DNMT3A: variants seen among roughly 807,000 people sequenced by gnomAD.
DNMT3A encodes the protein DNA (cytosine-5)-methyltransferase 3A.
A neutral mutation model predicts 117.6 loss-of-function variants in DNMT3A; 267 were observed. That is an observed-to-expected ratio of 2.27 (90% CI 2.05 to 2.51). DNMT3A has a LOEUF of 2.51. DNMT3A is among the 30% of genes most tolerant of loss of function. DNMT3A has a pLI of 0.00. For synonymous variants in DNMT3A, 432 were observed against 474.8 expected (o/e 0.91, Z 1.17); for missense variants, 1,029 against 1,260.2 (o/e 0.82, Z 2.78).
chr2:25,285,538 A>G (rs1440225126), intron 3 of DNMT3A, among the ~76,000 whole-genome samples: 1 of 152,216 alleles, frequency 6.6e-6, no homozygotes, highest in Non-Finnish European at 1.5e-5. Context: ...AGAAAGCTGC[A>G]TGTGTGTACT....
rs1247985178 is a variant in DNMT3A at position 25,252,945 on chromosome 2, C to T, written c.640-4693G>A. On this transcript the variant is annotated intron_variant, in intron 6 of 22. Coordinates refer to ENST00000321117, the MANE Select transcript of DNMT3A (RefSeq NM_022552.5). The surrounding 1 kb of genome is among the most constrained non-coding windows in gnomAD (Gnocchi z 5.5). ...CAGGTGAATAGAGAAGCGGGGGGGC[C>T]TCAAAAAGCGCGGCGTGAGGAGGTC... 1.3e-5 allele frequency among the ~76,000 whole-genome samples: 2 copies of T among 151,988 alleles called. No homozygotes were observed. The highest frequency in any genetic ancestry group is 4.8e-5 in the African/African-American group (2 of 41,362).
chr2:25,333,669 C>T (rs2035098983), intron 1 of DNMT3A, among the ~76,000 whole-genome samples: 1 of 152,194 alleles, frequency 6.6e-6, no homozygotes, highest in Admixed American at 6.5e-5. Context: ...CCTTACAGAG[C>T]AGCAGGGCTT....
chr2:25,285,361 A>C (rs1256393491), intron 3 of DNMT3A, among the ~76,000 whole-genome samples: 1 of 152,236 alleles, frequency 6.6e-6, no homozygotes, highest in Non-Finnish European at 1.5e-5. Context: ...GAAAACAAAA[A>C]CAAAAACAAA....
Position 25,233,121 on chromosome 2 carries a change from A to ATC in DNMT3A, c.*1156_*1157dup. Reference sequence around the variant, plus strand: ...GCCTGAAGACTCCGTACCCTCTGCCATCTTGCCGAGGGAGTCTCCTTTTAG... The same window carrying ATC: ...GCCTGAAGACTCCGTACCCTCTGCCATCTCTTGCCGAGGGAGTCTCCTTTTAG... On this transcript the variant is annotated 3_prime_UTR_variant, in exon 23 of 23. Transcript: ENST00000321117. 2 of 233,850 alleles carry ATC rather than the reference A, an allele frequency of 8.6e-6. No homozygotes were observed. Among genetic ancestry groups the ATC allele is most frequent in the East Asian group, 1.2e-4 (2 of 16,726 alleles). The allele number at this position is 233,850 out of a possible 1,614,324, so 14.5% of individuals were successfully genotyped here.
intron 1 of DNMT3A, among the ~76,000 whole-genome samples, chr2:25,335,330 C>T (rs2035168671): frequency 1.3e-5 from 2 of 152,238 alleles, no homozygotes; most frequent in Non-Finnish European, 2.9e-5. Flanking sequence ...ACAGGTTCTG[C>T]TCACTGGGGT....
At chr2:25,284,335 GTCACATATA>G (rs925350258) in intron 3 of DNMT3A, among the ~76,000 whole-genome samples, 2 of 151,964 alleles carry the variant, frequency 1.3e-5, no homozygotes, top group Admixed American at 6.6e-5. Flanking sequence ...ATAAAAGTCA[GTCACATATA>G]TCATAAAAAA....
At chr2:25,303,763 C>T (rs34635462) in intron 2 of DNMT3A, among the ~76,000 whole-genome samples, 51,663 of 152,182 alleles carry the variant, frequency 0.34, 9,136 homozygotes, top group Non-Finnish European at 0.39. Context: ...TAGGGCAAAG[C>T]GGGAAGCGAT....
At chr2:25,284,513 G>A (rs1174744533) in intron 3 of DNMT3A, among the ~76,000 whole-genome samples, 2 of 151,618 alleles carry the variant, frequency 1.3e-5, no homozygotes, top group African/African-American at 2.4e-5. Flanking sequence ...TGGGTGTGGT[G>A]GTGCATGCCT....
chr2:25,306,883 T>C lies in DNMT3A; in HGVS notation c.73-6640A>G, dbSNP rs2033806976. 6.6e-6 allele frequency among the ~76,000 whole-genome samples: 1 copy of C among 152,248 alleles called. No individual in the cohort carries two copies. The highest frequency in any genetic ancestry group is 1.5e-5 in the Non-Finnish European group (1 of 68,042). ...ATGCTGAGCCCAGACTGGAGTGTGC[T>C]ACTGCTCTGCCTGTGGCCACTTCCA... On this transcript the variant is annotated intron_variant, in intron 2 of 22. Coordinates refer to ENST00000321117, the MANE Select transcript of DNMT3A (RefSeq NM_022552.5). This position sits in a 1 kb window ranked among gnomAD's most constrained non-coding sequence, Gnocchi z 4.1.
rs778003885 is a variant in DNMT3A, at chr2:25,248,131, G to T, written c.761C>A (p.Ala254Glu). 2 of 1,613,758 alleles carry T rather than the reference G, an allele frequency of 1.2e-6. No individual in the cohort carries two copies. Among genetic ancestry groups the T allele is most frequent in the East Asian group, 4.5e-5 (2 of 44,884 alleles). The change falls in exon 7 of 23, where the codon GCA becomes GAA. Residue 254 changes from alanine to glutamate, a missense_variant. Physicochemically the swap from Ala to Glu is moderately radical, Grantham distance 107. Transcript: ENST00000321117. Reference protein sequence around the residue: ...PPAVQQPTDPASPTVATTPEP... With the variant: ...PPAVQQPTDPESPTVATTPEP... ...AGGCGTGGTAGCCACAGTGGGGGAT[G>T]CGGGGTCAGTGGGCTGCTGCACAGC...
chr2:25,243,778 G>T, intron 16 of DNMT3A, 120 bp downstream of exon 16: 1 of 1,106,050 alleles, frequency 9.0e-7, no homozygotes, highest in Non-Finnish European at 1.3e-6. Flanking sequence ...TTCCCCTTTG[G>T]GATAATATTT....
chr2:25,341,820 C>T lies in DNMT3A; in HGVS notation c.-178+6G>A, dbSNP rs1309702705. ...CTTCCGGGCCGCCAGCAGCGGCGCT[C>T]ATTACCGTATGGCCGGTGGGGTCGG... On this transcript the variant is annotated splice_donor_region_variant and intron_variant, in intron 1 of 22. Transcript: ENST00000321117. 1.0e-6 allele frequency: 1 copy of T among 979,962 alleles called. No individual in the cohort carries two copies. Among genetic ancestry groups the T allele is most frequent in the Non-Finnish European group, 1.2e-6 (1 of 827,784 alleles). The allele number at this position is 979,962 out of a possible 1,614,324, so 60.7% of individuals were successfully genotyped here. A position where few individuals can be genotyped will look rare whatever the true frequency, so the allele number is the denominator to read the frequency against.
At position 25,252,531 on chromosome 2, in the gene DNMT3A, G is replaced by A. The variant is rs1310299419; in HGVS notation, c.640-4279C>T. Among the ~76,000 whole-genome samples, 4 of 151,556 alleles carry A rather than the reference G, an allele frequency of 2.6e-5. No individual in the cohort carries two copies. Among genetic ancestry groups the A allele is most frequent in the Non-Finnish European group, 5.9e-5 (4 of 67,814 alleles). On this transcript the variant is annotated intron_variant, in intron 6 of 22. Coordinates refer to ENST00000321117, the MANE Select transcript of DNMT3A (RefSeq NM_022552.5). This position sits in a 1 kb window ranked among gnomAD's most constrained non-coding sequence, Gnocchi z 5.5. The stretch of plus-strand genomic sequence containing the variant: ...GAGGCCGTTCCCCGCCCGTTCCCAG[G>A]GCCCGCCCAGGCCGGGCTGCAGGGA...
At chr2:25,341,170 C>G (rs1398380732) in intron 1 of DNMT3A, among the ~76,000 whole-genome samples, 1 of 145,314 alleles carries the variant, frequency 6.9e-6, no homozygotes, top group African/African-American at 2.5e-5. Flanking sequence ...CCCCGGGGGC[C>G]TCCCGGGTCC....
intron 5 of DNMT3A, 79 bp downstream of exon 5, chr2:25,275,421 G>T: frequency 7.1e-6 from 4 of 563,066 alleles, no homozygotes; most frequent in Non-Finnish European, 1.1e-5. Context: ...CCCACCCTCC[G>T]CCCCCTCACA....
chr2:25,309,564 TG>T (rs2033987278), intron 2 of DNMT3A, among the ~76,000 whole-genome samples: 1 of 152,128 alleles, frequency 6.6e-6, no homozygotes, highest in African/African-American at 2.4e-5. Context: ...CGGGGGGCAC[TG>T]TTCACTCCAT....
chr2:25,293,445 C>A lies in DNMT3A; in HGVS notation c.177+6694G>T, dbSNP rs1388447857. On this transcript the variant is annotated intron_variant, in intron 3 of 22. Transcript: ENST00000321117. This position sits in a 1 kb window ranked among gnomAD's most constrained non-coding sequence, Gnocchi z 4.7. The stretch of plus-strand genomic sequence containing the variant: ...TTTCAGAGAGGATAAAGAGTAAAAG[C>A]CCCTCAGGCTGCCTGCAAACTACCT... 6.6e-6 allele frequency among the ~76,000 whole-genome samples: 1 copy of A among 152,188 alleles called. No individual in the cohort carries two copies. The highest frequency in any genetic ancestry group is 6.5e-5 in the Admixed American group (1 of 15,286).
rs539216171 is a variant in DNMT3A, at chr2:25,307,418, G to A, written c.72+6495C>T. Among the ~76,000 whole-genome samples the A allele has an allele frequency of 1.4e-3, 203 of 147,582 alleles. 6 individuals carry two copies. The South Asian group carries it at 0.041, about 30-fold the overall frequency. ...GGTGACCTGCCCACCTCAGCCTCCC[G>A]AAGGGCTAGGATTACAGGCATGAGC... is the stretch of plus-strand genomic sequence containing the variant. On this transcript the variant is annotated intron_variant, in intron 2 of 22. Transcript: ENST00000321117.
Position 25,230,234 on chromosome 2 carries a change from C to T in DNMT3A, c.*4045G>A, listed in dbSNP as rs766956882. 5 of 152,328 alleles carry T rather than the reference C, an allele frequency of 3.3e-5. No individual in the cohort carries two copies. Among genetic ancestry groups the T allele is most frequent in the East Asian group, 1.9e-4 (1 of 5,202 alleles). The allele number at this position is 152,328 out of a possible 1,614,324, so 9.4% of individuals were successfully genotyped here. A position where few individuals can be genotyped will look rare whatever the true frequency, so the allele number is the denominator to read the frequency against. ...TGGACTGCAGACCCCTGCTAGTGCC[C>T]GCCTGCGGCCCCCCAGTCTGCCGGT... On this transcript the variant is annotated 3_prime_UTR_variant, in exon 23 of 23. Transcript: ENST00000321117.
Sources: allele counts gnomAD v4.1 joint callset (sites outside exome capture counted in the v4.1 genomes callset), GRCh38; gene constraint gnomAD v4.1.1; non-coding constraint Gnocchi (gnomAD v3.1); transcripts MANE v1.5; gene names NCBI Gene and HGNC (gene_info 2026-07-23, HGNC 2026-07-21).